RB1CC1: variants seen among roughly 807,000 people sequenced by gnomAD.
The protein encoded by RB1CC1 is RB1 inducible coiled-coil 1.
In RB1CC1, 46 loss-of-function variants were observed where a neutral mutation model predicts 177.5. That is an observed-to-expected ratio of 0.26 (90% CI 0.20 to 0.33). The LOEUF is 0.33. Among genes scored for constraint, RB1CC1 ranks in the 10% least tolerant of loss-of-function variants. RB1CC1 has a pLI of 1.00. For synonymous variants in RB1CC1, 666 were observed against 613.6 expected (o/e 1.09, Z -1.26); for missense variants, 1,703 against 1,816.3 (o/e 0.94, Z 1.13).
chr8:52,657,450 A>G lies in RB1CC1; in HGVS notation c.2379T>C (p.Ser793=), dbSNP rs1160780112. 1.2e-6 allele frequency: 2 copies of G among 1,613,662 alleles called. No homozygotes were observed. Among genetic ancestry groups the G allele is most frequent in the African/African-American group, 2.7e-5 (2 of 74,940 alleles). The change falls in exon 15 of 24, where the codon TCT becomes TCC. Residue 793 remains serine (S), a synonymous_variant. Coordinates refer to ENST00000025008, the MANE Select transcript of RB1CC1 (RefSeq NM_014781.5). ...TACATCTTTCCAACTGGACATTCAG[A>G]GAAGTATGATCTCCAAAATCCTCCT... ...CGKEDFGDHT[S]LNVQLERCRV... is the part of the protein sequence containing the mutation.
rs1848493974 is a variant in RB1CC1, at chr8:52,627,685, C to CA, written c.4636+346dup. Among the ~76,000 whole-genome samples, 5 of 151,564 alleles carry CA rather than the reference C, an allele frequency of 3.3e-5. 1 individual carries two copies. In the South Asian group the frequency reaches 1.0e-3, roughly 32 times the overall value. On this transcript the variant is annotated intron_variant, in intron 22 of 23. Coordinates refer to ENST00000025008, the MANE Select transcript of RB1CC1 (RefSeq NM_014781.5). Reference sequence around the variant, plus strand: ...TATAATTTAAGAAAGTTTTTTTTGCCAAAAAATAATGCTTTTATATAAACA... The same window carrying CA: ...TATAATTTAAGAAAGTTTTTTTTGCCAAAAAAATAATGCTTTTATATAAACA...
intron 15 of RB1CC1, among the ~76,000 whole-genome samples, chr8:52,648,080 A>G (rs1476473209): frequency 2.0e-5 from 3 of 152,128 alleles, no homozygotes; most frequent in Non-Finnish European, 4.4e-5. Flanking sequence ...TACAGGGACA[A>G]GAGGACACAG....
At chr8:52,708,358 T>C (rs1369849190) in intron 1 of RB1CC1, among the ~76,000 whole-genome samples, 1 of 151,896 alleles carries the variant, frequency 6.6e-6, no homozygotes, top group East Asian at 1.9e-4. Context: ...CTGCTAAAAA[T>C]ACAAAAAAAT....
At chr8:52,688,890 G>C (rs1347784557) in intron 1 of RB1CC1, among the ~76,000 whole-genome samples, 1 of 152,158 alleles carries the variant, frequency 6.6e-6, no homozygotes, top group East Asian at 1.9e-4. Context: ...GACACTAATG[G>C]AAAATAGAAC....
At chr8:52,691,261 C>T (rs189503603) in intron 1 of RB1CC1, among the ~76,000 whole-genome samples, 1 of 152,222 alleles carries the variant, frequency 6.6e-6, no homozygotes, top group East Asian at 1.9e-4. Flanking sequence ...CAGTTCCATT[C>T]TCCTCTTCCA....
At chr8:52,713,752 A>G (rs1857257621) in intron 1 of RB1CC1, among the ~76,000 whole-genome samples, 2 of 152,224 alleles carry the variant, frequency 1.3e-5, no homozygotes, top group African/African-American at 4.8e-5. Context: ...GGCAGCGCAG[A>G]GGGAGGGATC....
chr8:52,665,460 TAAAG>T (rs1348982474), intron 8 of RB1CC1, among the ~76,000 whole-genome samples: 1 of 152,172 alleles, frequency 6.6e-6, no homozygotes, highest in African/African-American at 2.4e-5. Context: ...AGATTGTGCC[TAAAG>T]AAATACTAGA....
rs762717448 is a variant in RB1CC1, at chr8:52,623,694, G to A, written c.*88C>T. The A allele has an allele frequency of 6.3e-5, 58 of 924,830 alleles. No individual in the cohort carries two copies. Among genetic ancestry groups the A allele is most frequent in the Admixed American group, 5.9e-4 (32 of 53,942 alleles). The allele number at this position is 924,830 out of a possible 1,614,324, so 57.3% of individuals were successfully genotyped here. On this transcript the variant is annotated 3_prime_UTR_variant, in exon 24 of 24. Coordinates refer to ENST00000025008, the MANE Select transcript of RB1CC1 (RefSeq NM_014781.5). ...TGTCACGCTGACTTTTGCATAAAAA[G>A]ATGGCCTGCTGTTTTTGGAGTGATG...
chr8:52,693,719 T>C (rs1376721942), intron 1 of RB1CC1, among the ~76,000 whole-genome samples: 3 of 151,848 alleles, frequency 2.0e-5, no homozygotes, highest in African/African-American at 4.8e-5. Context: ...CTGTTACTGA[T>C]GAGAACATAT....
chr8:52,638,529 T>C (rs1849325040), intron 18 of RB1CC1, among the ~76,000 whole-genome samples: 1 of 152,130 alleles, frequency 6.6e-6, no homozygotes. Flanking sequence ...TATAAAAAAC[T>C]GGCATTATTT....
chr8:52,630,492 A>G lies in RB1CC1; in HGVS notation c.4477T>C (p.Ser1493Pro). Residue 1493 changes from serine (S) to proline (P), a missense_variant, in exon 21 of 24, where the codon TCT (serine) becomes CCT (proline). Transcript: ENST00000025008. ...QSMSSVSSRH[S>P]EKIAIRDFQV... Reference sequence around the variant, plus strand: ...TACTCTCTAATAGCTATCTTTTCAGAATGCCTTGAAGATACTGAAGACATG... The same window carrying G: ...TACTCTCTAATAGCTATCTTTTCAGGATGCCTTGAAGATACTGAAGACATG... 1 of 1,585,744 alleles carries G rather than the reference A, an allele frequency of 6.3e-7. No homozygotes were observed. The highest frequency in any genetic ancestry group is 1.9e-5 in the Admixed American group (1 of 53,814).
At chr8:52,708,399 C>A in intron 1 of RB1CC1, among the ~76,000 whole-genome samples, 2 of 152,248 alleles carry the variant, frequency 1.3e-5, no homozygotes, top group South Asian at 4.1e-4. Context: ...TGCCTGTAGT[C>A]CCAGCTGCTT....
At chr8:52,706,624 CG>C in intron 1 of RB1CC1, among the ~76,000 whole-genome samples, 1 of 151,320 alleles carries the variant, frequency 6.6e-6, no homozygotes, top group East Asian at 2.0e-4. Context: ...CCCAGCTACT[CG>C]GGAGGCTGAG....
chr8:52,665,215 A>G (rs1411694496), intron 8 of RB1CC1, among the ~76,000 whole-genome samples: 1 of 152,252 alleles, frequency 6.6e-6, no homozygotes, highest in Admixed American at 6.5e-5. Context: ...TGTATGATCT[A>G]TAATAGACAA....
At chr8:52,645,566 AATTT>A (rs1391554516) in intron 16 of RB1CC1, 132 bp downstream of exon 16, 3 of 935,046 alleles carry the variant, frequency 3.2e-6, no homozygotes, top group East Asian at 3.1e-5. Context: ...GTCAAGAGGA[AATTT>A]ATTAACAGGA....
chr8:52,656,079 T>A lies in RB1CC1; in HGVS notation c.3750A>T (p.Lys1250Asn), dbSNP rs1563384411. 6.2e-7 allele frequency: 1 copy of A among 1,613,442 alleles called. No homozygotes were observed. Among genetic ancestry groups the A allele is most frequent in the Non-Finnish European group, 8.5e-7 (1 of 1,179,766 alleles). The change falls in exon 15 of 24, where the codon AAA (lysine) becomes AAT (asparagine). Residue 1250 changes from lysine to asparagine, a missense_variant. Around this residue, in one of 6 missense-constraint regions of RB1CC1, gnomAD observed 1,169 missense variants for 1,184.7 expected, o/e 0.99. Coordinates refer to ENST00000025008, the MANE Select transcript of RB1CC1 (RefSeq NM_014781.5). Reference sequence around the variant, plus strand: ...CTTTCTCAACAACTTCTCTCTCCAATTTAAATTCTTTTAGGGCAGTCTGAA... The same window carrying A: ...CTTTCTCAACAACTTCTCTCTCCAAATTAAATTCTTTTAGGGCAGTCTGAA... ...EAIQTALKEF[K>N]LEREVVEKEL...
In RB1CC1 at chr8:52,642,419, T is replaced by C. The variant is rs746250337; in HGVS notation, c.4269A>G (p.Arg1423=). ...CTTCATCTGCTGTTTCCACAGCGGA[T>C]CTATCTGATTCACCTGGGAGTTCAG... The part of the protein sequence containing the change: ...CAPELPGESD[R]SAVETADEGR... The change falls in exon 18 of 24, where the codon AGA becomes AGG. Residue 1423 remains arginine, a synonymous_variant. Coordinates refer to ENST00000025008, the MANE Select transcript of RB1CC1 (RefSeq NM_014781.5). The C allele has an allele frequency of 4.3e-6, 7 of 1,613,980 alleles. No homozygotes were observed. The highest frequency in any genetic ancestry group is 5.1e-6 in the Non-Finnish European group (6 of 1,179,978).
chr8:52,625,668 C>T lies in RB1CC1; in HGVS notation c.4637-881G>A, dbSNP rs573639218. The stretch of plus-strand genomic sequence containing the variant: ...GTCTCAGAACATTTACATTAGCCTT[C>T]AGTTGGGCAAAATCATCTAACAAAA... On this transcript the variant is annotated intron_variant, in intron 22 of 23. Coordinates refer to ENST00000025008, the MANE Select transcript of RB1CC1 (RefSeq NM_014781.5). 1.2e-3 allele frequency among the ~76,000 whole-genome samples: 180 copies of T among 152,232 alleles called. 1 individual carries two copies. The highest frequency in any genetic ancestry group is 4.2e-3 in the African/African-American group (175 of 41,550).
At chr8:52,646,919 C>T (rs1850097900) in intron 15 of RB1CC1, among the ~76,000 whole-genome samples, 1 of 152,082 alleles carries the variant, frequency 6.6e-6, no homozygotes, top group Non-Finnish European at 1.5e-5. Context: ...ACATGCTAAG[C>T]CTCAAAAAGT....
Sources: gnomAD v4.1 joint callset for allele counts (sites outside exome capture counted in the v4.1 genomes callset) on GRCh38, gnomAD v4.1.1 for gene constraint, gnomAD v4.1.1 regional missense constraint, MANE v1.5 for transcripts, NCBI Gene and HGNC (gene_info 2026-07-23, HGNC 2026-07-21) for gene names.